The following SORCS1 variants were observed in gnomAD, a reference collection of about 807,000 sequenced individuals.
The protein encoded by SORCS1 is VPS10 domain-containing receptor SorCS1.
In SORCS1, 60 loss-of-function variants were observed where a neutral mutation model predicts 146.1. The observed-to-expected ratio is 0.41, with a 90% CI of 0.33 to 0.51. The LOEUF (loss-of-function observed/expected upper bound fraction) is 0.51, where lower values mean the gene tolerates loss of function less well. Among genes scored for constraint, SORCS1 ranks in the 20% least tolerant of loss-of-function variants. SORCS1 has a pLI of 0.21. For missense variants in SORCS1, 1,352 were observed against 1,487.6 expected (o/e 0.91, Z 1.50); for synonymous variants, 637 against 584.0 (o/e 1.09, Z -1.31).
At chr10:106,752,730 T>C (rs1043762420) in intron 5 of SORCS1, among the ~76,000 whole-genome samples, 3 of 152,162 alleles carry the variant, frequency 2.0e-5, no homozygotes, top group East Asian at 1.9e-4. Flanking sequence ...TTATTTCTCA[T>C]TGGGGTGTTG....
chr10:106,965,329 A>G (rs140067090), intron 1 of SORCS1, among the ~76,000 whole-genome samples: 5 of 152,228 alleles, frequency 3.3e-5, no homozygotes, highest in African/African-American at 1.2e-4. Context: ...ACCCTCACCA[A>G]CCAGGATCCT....
chr10:106,629,103 A>G, intron 19 of SORCS1, 99 bp downstream of exon 19: 1 of 1,062,824 alleles, frequency 9.4e-7, no homozygotes, highest in Non-Finnish European at 1.4e-6. Context: ...CTGCTAAAAG[A>G]TAACTAGTGT....
At chr10:106,808,558 A>G (rs1478190123) in intron 3 of SORCS1, among the ~76,000 whole-genome samples, 6 of 152,094 alleles carry the variant, frequency 3.9e-5, no homozygotes, top group Admixed American at 2.6e-4. Context: ...TCTGGAGTGC[A>G]GTGGCGTGAT....
chr10:106,850,708 G>T (rs1949531339), intron 2 of SORCS1, among the ~76,000 whole-genome samples: 1 of 152,106 alleles, frequency 6.6e-6, no homozygotes, highest in African/African-American at 2.4e-5. Context: ...TGTATCTCAA[G>T]CTCACAATAT....
At position 106,985,056 on chromosome 10, in the gene SORCS1, G is replaced by A. The variant is rs1564888996; in HGVS notation, c.559-28476C>T. 2.6e-5 allele frequency among the ~76,000 whole-genome samples: 4 copies of A among 152,050 alleles called. No homozygotes were observed. The South Asian group carries it at 8.3e-4, about 32-fold the overall frequency. The stretch of plus-strand genomic sequence containing the variant: ...TACAAAATCAGCTGGGCATGGTGGT[G>A]CACACCTGTAATCCCAGCTACTCAG... On this transcript the variant is annotated intron_variant, in intron 1 of 25. Coordinates refer to ENST00000263054, the MANE Select transcript of SORCS1 (RefSeq NM_052918.5).
chr10:106,836,493 A>G (rs1236525794), intron 2 of SORCS1, among the ~76,000 whole-genome samples: 1 of 150,416 alleles, frequency 6.6e-6, no homozygotes, highest in East Asian at 2.0e-4. Flanking sequence ...AAAAAAAAAA[A>G]AGATCTTGGG....
chr10:106,928,550 G>A (rs1953209679), intron 2 of SORCS1, among the ~76,000 whole-genome samples: 1 of 152,240 alleles, frequency 6.6e-6, no homozygotes, highest in Admixed American at 6.5e-5. Context: ...CCACAGTGCA[G>A]CGGTGGGCTG....
chr10:106,904,645 G>A (rs1257199571), intron 2 of SORCS1, among the ~76,000 whole-genome samples: 5 of 152,306 alleles, frequency 3.3e-5, no homozygotes, highest in Admixed American at 1.3e-4. Flanking sequence ...GCTACGTGGC[G>A]GAGTGCAGCT....
chr10:107,144,317 T>C (rs1468964714), intron 1 of SORCS1, among the ~76,000 whole-genome samples: 1 of 152,244 alleles, frequency 6.6e-6, no homozygotes, highest in Non-Finnish European at 1.5e-5. Flanking sequence ...ATTTCTGTGT[T>C]CTTAGCCCTA....
At chr10:106,872,820 C>T (rs1414760110) in intron 2 of SORCS1, among the ~76,000 whole-genome samples, 2 of 151,902 alleles carry the variant, frequency 1.3e-5, no homozygotes, top group African/African-American at 2.4e-5. Flanking sequence ...AGGGAAGAAA[C>T]AAACATAAAG....
At chr10:106,657,150 T>C (rs1402651593) in intron 17 of SORCS1, among the ~76,000 whole-genome samples, 1 of 152,184 alleles carries the variant, frequency 6.6e-6, no homozygotes, top group Non-Finnish European at 1.5e-5. Context: ...AAGACACCTG[T>C]ACATGTATGC....
intron 1 of SORCS1, among the ~76,000 whole-genome samples, chr10:107,116,227 GAAC>G (rs1020065371): frequency 6.6e-6 from 1 of 151,928 alleles, no homozygotes; most frequent in Non-Finnish European, 1.5e-5. Flanking sequence ...ATTAAAAGTA[GAAC>G]AACATTATAT....
chr10:106,894,388 T>C lies in SORCS1; in HGVS notation c.626+62125A>G, dbSNP rs188643875. On this transcript the variant is annotated intron_variant, in intron 2 of 25. Coordinates refer to ENST00000263054, the MANE Select transcript of SORCS1 (RefSeq NM_052918.5). ...ATGTTCTGGGTAGAAAACTTTTTTTTCTTTTTTTAAAGACATTAGTTCCAA... is the reference window on the plus strand; with the variant it reads ...ATGTTCTGGGTAGAAAACTTTTTTTCCTTTTTTTAAAGACATTAGTTCCAA... 5.2e-3 allele frequency among the ~76,000 whole-genome samples: 791 copies of C among 152,262 alleles called. 5 individuals carry two copies. The highest frequency in any genetic ancestry group is 8.6e-3 in the Non-Finnish European group (584 of 68,018).
At chr10:107,165,935 G>A (rs1199130854), upstream of SORCS1, among the ~76,000 whole-genome samples, 1 of 152,178 alleles carries the variant, frequency 6.6e-6, no homozygotes, top group Non-Finnish European at 1.5e-5. The surrounding 1 kb of genome is among the most constrained non-coding windows in gnomAD (Gnocchi z 4.0). Context: ...CTAGCACCCT[G>A]CTACTATTCG....
At chr10:106,924,057 C>T (rs569627156) in intron 2 of SORCS1, among the ~76,000 whole-genome samples, 1 of 152,200 alleles carries the variant, frequency 6.6e-6, no homozygotes, top group Non-Finnish European at 1.5e-5. Flanking sequence ...GAGTTCGAGA[C>T]CAGCCTGACC....
In SORCS1 at chr10:107,144,747, C is replaced by T. The variant is rs533993004; in HGVS notation, c.558+19222G>A. ...TGCTGAACTCCTTGACATTCCTCTC[C>T]CCCTTCGGCACAGCTTTGCTAGAAC... On this transcript the variant is annotated intron_variant, in intron 1 of 25. Coordinates refer to ENST00000263054, the MANE Select transcript of SORCS1 (RefSeq NM_052918.5). 6.6e-5 allele frequency among the ~76,000 whole-genome samples: 10 copies of T among 152,354 alleles called. 1 individual carries two copies. In the East Asian group the frequency reaches 1.9e-3, roughly 29 times the overall value.
Position 106,888,645 on chromosome 10 carries a change from T to C in SORCS1, c.627-58972A>G, listed in dbSNP as rs143032456. 2.7e-4 allele frequency among the ~76,000 whole-genome samples: 41 copies of C among 152,338 alleles called. 1 individual carries two copies. The East Asian group carries it at 6.9e-3, about 26-fold the overall frequency. On this transcript the variant is annotated intron_variant, in intron 2 of 25. Coordinates refer to ENST00000263054, the MANE Select transcript of SORCS1 (RefSeq NM_052918.5). ...TCACAGGTTTCTATTCCGTGACCAATTTAAGTGTCACTTCGATAACCATCT... is the reference window on the plus strand; with the variant it reads ...TCACAGGTTTCTATTCCGTGACCAACTTAAGTGTCACTTCGATAACCATCT...
intron 3 of SORCS1, among the ~76,000 whole-genome samples, chr10:106,821,068 G>A (rs369697578): frequency 2.0e-5 from 3 of 152,144 alleles, no homozygotes; most frequent in South Asian, 2.1e-4. Context: ...AGAAGATTGC[G>A]CAGATAGTCT....
At chr10:107,069,006 A>T (rs763124476) in intron 1 of SORCS1, among the ~76,000 whole-genome samples, 1 of 152,208 alleles carries the variant, frequency 6.6e-6, no homozygotes, top group African/African-American at 2.4e-5. Flanking sequence ...TAGATTCCCA[A>T]TGGTGCCTAA....
Sources: gnomAD v4.1 joint callset for allele counts (sites outside exome capture counted in the v4.1 genomes callset) on GRCh38, gnomAD v4.1.1 for gene constraint, Gnocchi (gnomAD v3.1) non-coding constraint, MANE v1.5 for transcripts, NCBI Gene and HGNC (gene_info 2026-07-23, HGNC 2026-07-21) for gene names.